The following SRGAP1 variants were observed in gnomAD, a reference collection of about 807,000 sequenced individuals.
The protein encoded by SRGAP1 is SLIT-ROBO Rho GTPase activating protein 1.
SRGAP1 carries 43 observed loss-of-function variants against 121.9 expected under a neutral mutation model. That is an observed-to-expected ratio of 0.35 (90% confidence interval 0.28 to 0.46). The LOEUF is 0.46. SRGAP1 is among the 20% of genes least tolerant of loss of function. The probability of loss-of-function intolerance (pLI) is 1.00; values close to 1 mark genes in which losing one functional copy is unlikely to be tolerated. For missense variants in SRGAP1, 1,102 were observed against 1,350.9 expected (o/e 0.82, Z 2.89); for synonymous variants, 447 against 485.4 (o/e 0.92, Z 1.04).
rs959783197 is a variant in SRGAP1 at position 64,155,111 on chromosome 12, C to T, written c.*12439C>T. 1 of 152,102 alleles carries T rather than the reference C, an allele frequency of 6.6e-6. No individual in the cohort carries two copies. The highest frequency in any genetic ancestry group is 1.5e-5 in the Non-Finnish European group (1 of 68,150). The allele number at this position is 152,102 out of a possible 1,614,324, so 9.4% of individuals were successfully genotyped here. The stretch of plus-strand genomic sequence containing the variant: ...CCAGGCTGGAGTGCAGTGGCATGAT[C>T]TTGGCTCACCGCAACCTCTGCCTCC... On this transcript the variant is annotated 3_prime_UTR_variant, in exon 22 of 22. Transcript: ENST00000355086.
At position 64,128,726 on chromosome 12, in the gene SRGAP1, G is replaced by A. The variant is rs114111242; in HGVS notation, c.2880+526G>A. Among the ~76,000 whole-genome samples the A allele has an allele frequency of 5.3e-3, 808 of 152,304 alleles. 9 individuals carry two copies. Among genetic ancestry groups the A allele is most frequent in the African/African-American group, 0.018 (762 of 41,556 alleles). The stretch of plus-strand genomic sequence containing the variant: ...AAGATGGCACTTTCAACTTAGAAAA[G>A]ATGAGACCTAATAAATAATGTGATC... On this transcript the variant is annotated intron_variant, in intron 21 of 21. Coordinates refer to ENST00000355086, the MANE Select transcript of SRGAP1 (RefSeq NM_020762.4).
intron 3 of SRGAP1, among the ~76,000 whole-genome samples, chr12:64,008,983 C>T (rs566857000): frequency 1.3e-5 from 2 of 152,148 alleles, no homozygotes; most frequent in Non-Finnish European, 2.9e-5. Flanking sequence ...TTTGGTCACA[C>T]CAGGGAACGG....
At chr12:64,112,466 T>G (rs1250208282) in intron 17 of SRGAP1, among the ~76,000 whole-genome samples, 1 of 152,196 alleles carries the variant, frequency 6.6e-6, no homozygotes, top group Non-Finnish European at 1.5e-5. Flanking sequence ...TAGTTAGACC[T>G]TTAGGTCATT....
chr12:63,973,036 A>T (rs1192634499), intron 1 of SRGAP1, among the ~76,000 whole-genome samples: 1 of 152,174 alleles, frequency 6.6e-6, no homozygotes, highest in Non-Finnish European at 1.5e-5. Flanking sequence ...AATCCCAGCT[A>T]CATGGGAGGC....
rs564529532 is a variant in SRGAP1, at chr12:63,978,553, T to G, written c.68-5394T>G. Reference sequence around the variant, plus strand: ...TAAGTACTTCATTCCTTTTTATGGCTAAACAGTATTGTGTTGTGTGGCTAT... The same window carrying G: ...TAAGTACTTCATTCCTTTTTATGGCGAAACAGTATTGTGTTGTGTGGCTAT... On this transcript the variant is annotated intron_variant, in intron 1 of 21. Coordinates refer to ENST00000355086, the MANE Select transcript of SRGAP1 (RefSeq NM_020762.4). 2.8e-4 allele frequency among the ~76,000 whole-genome samples: 42 copies of G among 152,380 alleles called. 1 individual carries two copies. In the Middle Eastern group the frequency reaches 0.017, roughly 62 times the overall value.
chr12:63,882,028 AG>A lies in SRGAP1; in HGVS notation c.67+37146del, dbSNP rs1257997112. 4.6e-5 allele frequency among the ~76,000 whole-genome samples: 7 copies of A among 152,318 alleles called. No individual in the cohort carries two copies. In the East Asian group the frequency reaches 1.3e-3, roughly 29 times the overall value. On this transcript the variant is annotated intron_variant, in intron 1 of 21. Transcript: ENST00000355086. ...GAATAAATGAAAAATTAGAATATAG[AG>A]TTTGTATATATGACATGAATATAAT...
chr12:63,926,476 C>T (rs970813221), intron 1 of SRGAP1, among the ~76,000 whole-genome samples: 2 of 152,142 alleles, frequency 1.3e-5, no homozygotes, highest in Non-Finnish European at 2.9e-5. Context: ...TTGTTCACCT[C>T]CTAAGTCTGT....
chr12:63,924,170 AAAAAAG>A (rs2031172466), intron 1 of SRGAP1, among the ~76,000 whole-genome samples: 2 of 152,126 alleles, frequency 1.3e-5, no homozygotes, highest in African/African-American at 4.8e-5. Context: ...AGAAAAAAGA[AAAAAAG>A]AAAAAAAAGA....
intron 1 of SRGAP1, among the ~76,000 whole-genome samples, chr12:63,851,422 A>G (rs972027681): frequency 2.0e-5 from 3 of 152,018 alleles, no homozygotes; most frequent in Admixed American, 6.6e-5. Context: ...GCGAGACACC[A>G]TCTCTAATTT....
At chr12:64,017,266 G>T (rs2034428964) in intron 4 of SRGAP1, among the ~76,000 whole-genome samples, 1 of 152,128 alleles carries the variant, frequency 6.6e-6, no homozygotes, top group Admixed American at 6.5e-5. Context: ...TACACAATTA[G>T]CACACTTTAA....
intron 1 of SRGAP1, among the ~76,000 whole-genome samples, chr12:63,969,226 G>C (rs2032869058): frequency 1.3e-5 from 2 of 152,036 alleles, no homozygotes; most frequent in African/African-American, 4.8e-5. Context: ...AGCTACCTTA[G>C]AATTAGGGAA....
chr12:64,043,665 A>C (rs1007005009), intron 6 of SRGAP1, 90 bp downstream of exon 6: 2 of 1,031,934 alleles, frequency 1.9e-6, no homozygotes, highest in African/African-American at 3.3e-5. Context: ...TCATTTCTTA[A>C]GACTGTTATT....
Position 63,989,936 on chromosome 12 carries a change from T to C in SRGAP1, c.290T>C (p.Val97Ala). Residue 97 changes from valine (V) to alanine (A), a missense_variant, in exon 3 of 22, where the codon GTG becomes GCG. Physicochemically the swap from Val to Ala is moderately conservative, Grantham distance 64. Around this residue, in one of 3 missense-constraint regions of SRGAP1, gnomAD observed 747 missense variants for 929.4 expected, o/e 0.80. Transcript: ENST00000355086. ...YKKDQNLLSP[V>A]NCWYLLLNQV... ...AAAGACCAGAACCTGTTGTCTCCAGTGAACTGCTGGTATTTGCTCCTGAAC... is the reference window on the plus strand; with the variant it reads ...AAAGACCAGAACCTGTTGTCTCCAGCGAACTGCTGGTATTTGCTCCTGAAC... 1 of 1,611,548 alleles carries C rather than the reference T, an allele frequency of 6.2e-7. No individual in the cohort carries two copies. The highest frequency in any genetic ancestry group is 8.5e-7 in the Non-Finnish European group (1 of 1,179,264).
At chr12:63,989,536 G>C (rs1287691710) in intron 2 of SRGAP1, among the ~76,000 whole-genome samples, 1 of 10,802 alleles carries the variant, frequency 9.3e-5, no homozygotes, top group Non-Finnish European at 1.7e-4. Flanking sequence ...ACCACAGTCT[G>C]TCTGGACAGT....
chr12:63,930,841 A>G (rs940929057), intron 1 of SRGAP1, among the ~76,000 whole-genome samples: 1 of 152,198 alleles, frequency 6.6e-6, no homozygotes. Context: ...TTGCAAAGCT[A>G]TTTTTACATT....
intron 4 of SRGAP1, among the ~76,000 whole-genome samples, chr12:64,025,491 T>A (rs2034634062): frequency 6.6e-6 from 1 of 152,180 alleles, no homozygotes; most frequent in Non-Finnish European, 1.5e-5. Flanking sequence ...TTGAAACATA[T>A]ATTTCTGTAG....
intron 10 of SRGAP1, chr12:64,082,001 C>CATTT: frequency 1.5e-5 from 1 of 66,138 alleles, no homozygotes; most frequent in Non-Finnish European, 2.5e-5. Flanking sequence ...CATGTAAGGT[C>CATTT]TTTTTTTTTT....
chr12:64,068,963 T>A (rs2035591487), intron 8 of SRGAP1, among the ~76,000 whole-genome samples: 1 of 149,902 alleles, frequency 6.7e-6, no homozygotes, highest in African/African-American at 2.5e-5. Flanking sequence ...TGAGCCGAGA[T>A]CATGCCACTG....
rs1399688346 is a variant in SRGAP1, at chr12:64,043,528, G to A, written c.754G>A (p.Ala252Thr). 3.7e-6 allele frequency: 6 copies of A among 1,612,534 alleles called. No individual in the cohort carries two copies. The Admixed American group carries it at 5.0e-5, about 13-fold the overall frequency. Reference sequence around the variant, plus strand: ...TCTCCTAACACTTGAAGCCACCAATGCCTCAGTTTTCAAGTACTATATTCA... The same window carrying A: ...TCTCCTAACACTTGAAGCCACCAATACCTCAGTTTTCAAGTACTATATTCA... ...EYLLTLEATN[A>T]SVFKYYIHDL... Residue 252 changes from alanine to threonine, a missense_variant, in exon 6 of 22, where the codon GCC becomes ACC. Transcript: ENST00000355086.
Sources: allele counts gnomAD v4.1 joint callset (sites outside exome capture counted in the v4.1 genomes callset), GRCh38; gene constraint gnomAD v4.1.1; regional missense constraint gnomAD v4.1.1; transcripts MANE v1.5; gene names NCBI Gene and HGNC (gene_info 2026-07-23, HGNC 2026-07-21).